AHCYL2: variants seen among roughly 807,000 people sequenced by gnomAD.
The protein encoded by AHCYL2 is S-adenosylhomocysteine hydrolase-like protein 2.
Under a neutral mutation model 81.4 loss-of-function variants are expected in AHCYL2, and 28 were observed. That is an observed-to-expected ratio of 0.34 (90% CI 0.25 to 0.47). The LOEUF (loss-of-function observed/expected upper bound fraction) is 0.47. AHCYL2 is among the 20% of genes least tolerant of loss of function. The pLI, the probability that AHCYL2 is intolerant of heterozygous loss-of-function variation, is 1.00. For synonymous variants in AHCYL2, 272 were observed against 290.2 expected, an observed-to-expected ratio of 0.94 and a Z score of 0.64; for missense variants, 551 against 785.1, an observed-to-expected ratio of 0.70 and a Z score of 3.56.
intron 1 of AHCYL2, among the ~76,000 whole-genome samples, chr7:129,233,529 C>G (rs950325175): frequency 7.2e-5 from 11 of 152,088 alleles, no homozygotes; most frequent in African/African-American, 2.4e-4. Flanking sequence ...TGCTCTGTCC[C>G]CAGGCTGGAG....
intron 12 of AHCYL2, among the ~76,000 whole-genome samples, chr7:129,422,558 A>G (rs1797164915): frequency 6.6e-6 from 1 of 152,144 alleles, no homozygotes; most frequent in Non-Finnish European, 1.5e-5. Flanking sequence ...GGCAGAAACC[A>G]TGTCTTTGGT....
At position 129,225,226 on chromosome 7, in the gene AHCYL2, T is replaced by G. The variant is rs1385280194; in HGVS notation, c.150T>G (p.Pro50=). The G allele has an allele frequency of 4.0e-6, 6 of 1,502,376 alleles. No homozygotes were observed. The highest frequency in any genetic ancestry group is 5.3e-6 in the Non-Finnish European group (6 of 1,133,096). 93.1% of individuals were successfully genotyped at this position (1,502,376 alleles called of 1,614,324 possible). A position where few individuals can be genotyped will look rare whatever the true frequency, so the allele number is the denominator to read the frequency against. The change falls in exon 1 of 17, where the codon CCT becomes CCG. Residue 50 remains proline (P), a synonymous_variant. Coordinates refer to ENST00000325006, the MANE Select transcript of AHCYL2 (RefSeq NM_015328.4). ...AMAPPAGGGD[P]EAPAPAAERP... ...CCCCCCCGGCGGGCGGTGGAGACCC[T>G]GAGGCTCCAGCTCCCGCCGCGGAGC...
chr7:129,323,647 A>ATT (rs1264517148), intron 1 of AHCYL2, among the ~76,000 whole-genome samples: 1 of 152,264 alleles, frequency 6.6e-6, no homozygotes, highest in East Asian at 1.9e-4. Flanking sequence ...AATAAGAGAA[A>ATT]GGTATTGAAA....
At chr7:129,326,693 C>A (rs6467238) in intron 1 of AHCYL2, among the ~76,000 whole-genome samples, 150,353 of 152,092 alleles carry the variant, frequency 0.99, 74,354 homozygotes, top group East Asian at 1. Flanking sequence ...AGAAGAAACT[C>A]ACCATATGAA....
At chr7:129,376,079 C>T (rs898496533) in intron 1 of AHCYL2, among the ~76,000 whole-genome samples, 5 of 152,196 alleles carry the variant, frequency 3.3e-5, no homozygotes, top group Non-Finnish European at 1.5e-5. Flanking sequence ...CTCTTTCCCT[C>T]CCTTGCCTTA....
At chr7:129,410,867 G>A (rs572680568) in intron 11 of AHCYL2, among the ~76,000 whole-genome samples, 1 of 152,294 alleles carries the variant, frequency 6.6e-6, no homozygotes, top group Non-Finnish European at 1.5e-5. Context: ...GTAGCCTCAG[G>A]AAGAAATAGG....
intron 1 of AHCYL2, among the ~76,000 whole-genome samples, chr7:129,244,707 T>G (rs1584698370): frequency 6.6e-6 from 1 of 152,172 alleles, no homozygotes; most frequent in African/African-American, 2.4e-5. Flanking sequence ...ACCATCACAC[T>G]GGGGGTTAGA....
chr7:129,409,948 C>A (rs1796488040), intron 11 of AHCYL2, among the ~76,000 whole-genome samples: 1 of 150,262 alleles, frequency 6.7e-6, no homozygotes, highest in Admixed American at 6.7e-5. Flanking sequence ...AGTTTGGATT[C>A]CAGCTTAGAG....
chr7:129,410,113 CTAAAATTCAAGACTTCCAAAT>C (rs1177364857), intron 11 of AHCYL2: 2 of 1,541,266 alleles, frequency 1.3e-6, no homozygotes, highest in African/African-American at 2.8e-5. Context: ...TAATCCATCT[CTAAAATTCAAGACTTCCAAAT>C]TGAGATGAAC....
At chr7:129,310,674 G>C (rs1231477774) in intron 1 of AHCYL2, among the ~76,000 whole-genome samples, 1 of 152,184 alleles carries the variant, frequency 6.6e-6, no homozygotes, top group African/African-American at 2.4e-5. Flanking sequence ...AATTGCACTG[G>C]TGAGAGACAT....
At chr7:129,367,025 T>C (rs766942363) in intron 1 of AHCYL2, among the ~76,000 whole-genome samples, 11 of 152,066 alleles carry the variant, frequency 7.2e-5, no homozygotes, top group Non-Finnish European at 1.0e-4. Context: ...AAGAGACAAA[T>C]GGTTGCATTC....
chr7:129,382,635 T>C (rs1416735906), intron 2 of AHCYL2, among the ~76,000 whole-genome samples: 1 of 151,140 alleles, frequency 6.6e-6, no homozygotes, highest in Non-Finnish European at 1.5e-5. Context: ...GCAGGGCGCG[T>C]TGGCTCACGC....
At chr7:129,283,159 C>G (rs1001773561) in intron 1 of AHCYL2, among the ~76,000 whole-genome samples, 7 of 152,168 alleles carry the variant, frequency 4.6e-5, no homozygotes, top group Non-Finnish European at 5.9e-5. Context: ...GTACTCCATC[C>G]TGCACACTGT....
At chr7:129,314,471 C>T (rs1797766130) in intron 1 of AHCYL2, among the ~76,000 whole-genome samples, 1 of 152,158 alleles carries the variant, frequency 6.6e-6, no homozygotes, top group South Asian at 2.1e-4. Context: ...GTTTATTTCT[C>T]ATAGTTCTGG....
chr7:129,427,016 C>T lies in AHCYL2; in HGVS notation c.1830-23C>T. The T allele has an allele frequency of 6.2e-7, 1 of 1,609,840 alleles. No individual in the cohort carries two copies. Among genetic ancestry groups the T allele is most frequent in the Non-Finnish European group, 8.5e-7 (1 of 1,176,258 alleles). ...CCCCATTAGCTGATAACATCACAGT[C>T]TCATCTTTCTTTTTCCCTCCAGGTA... On this transcript the variant is annotated intron_variant, in intron 16 of 16. Coordinates refer to ENST00000325006, the MANE Select transcript of AHCYL2 (RefSeq NM_015328.4). The surrounding 1 kb of genome is among the most constrained non-coding windows in gnomAD (Gnocchi z 5.5).
chr7:129,375,488 G>A (rs1794635494), intron 1 of AHCYL2, among the ~76,000 whole-genome samples: 1 of 152,140 alleles, frequency 6.6e-6, no homozygotes, highest in African/African-American at 2.4e-5. Flanking sequence ...ATTATAGCGA[G>A]CAAAAAAGTG....
At chr7:129,293,095 G>A (rs1000135246) in intron 1 of AHCYL2, among the ~76,000 whole-genome samples, 4 of 152,008 alleles carry the variant, frequency 2.6e-5, no homozygotes, top group East Asian at 1.9e-4. Context: ...GATTATAGGC[G>A]CTTGCCACTG....
At chr7:129,287,731 A>G (rs2150747006) in intron 1 of AHCYL2, among the ~76,000 whole-genome samples, 1 of 152,338 alleles carries the variant, frequency 6.6e-6, no homozygotes, top group Non-Finnish European at 1.5e-5. Flanking sequence ...AGTGATTATA[A>G]TTAGTACTTG....
chr7:129,418,679 G>A (rs1173658063), intron 12 of AHCYL2, among the ~76,000 whole-genome samples: 1 of 152,154 alleles, frequency 6.6e-6, no homozygotes, highest in African/African-American at 2.4e-5. Context: ...GGAGGCTGAG[G>A]TGGGAGGATT....
Sources: allele counts gnomAD v4.1 joint callset (sites outside exome capture counted in the v4.1 genomes callset), GRCh38; gene constraint gnomAD v4.1.1; non-coding constraint Gnocchi (gnomAD v3.1); transcripts MANE v1.5; gene names NCBI Gene and HGNC (gene_info 2026-07-23, HGNC 2026-07-21).